CHCHD6: variants seen among roughly 807,000 people sequenced by gnomAD.
CHCHD6 encodes MICOS complex subunit MIC25.
A neutral mutation model predicts 32.3 loss-of-function variants in CHCHD6; 28 were observed. The ratio of observed to expected loss-of-function variants is 0.87; its 90% confidence interval spans 0.64 to 1.19. CHCHD6 has a LOEUF of 1.19. CHCHD6 is among the 50% of genes most tolerant of loss of function. The pLI is 0.00. For missense variants in CHCHD6, 333 were observed against 307.0 expected, an observed-to-expected ratio of 1.08 and a Z score of -0.63; for synonymous variants, 122 against 117.5, an observed-to-expected ratio of 1.04 and a Z score of -0.25.
intron 5 of CHCHD6, among the ~76,000 whole-genome samples, chr3:126,864,527 ACCT>A (rs1391174382): frequency 1.2e-4 from 14 of 113,870 alleles, no homozygotes; most frequent in African/African-American, 3.8e-4. Context: ...CACCTCCACC[ACCT>A]CCTCCTCCTT....
At chr3:126,784,263 A>G (rs1158319528) in intron 4 of CHCHD6, among the ~76,000 whole-genome samples, 1 of 152,188 alleles carries the variant, frequency 6.6e-6, no homozygotes, top group Non-Finnish European at 1.5e-5. Context: ...TTCTCTGACC[A>G]CAGTTCCACT....
chr3:126,834,358 T>G (rs1453522362), intron 4 of CHCHD6, among the ~76,000 whole-genome samples: 1 of 152,106 alleles, frequency 6.6e-6, no homozygotes, highest in Non-Finnish European at 1.5e-5. Context: ...TACAGTTCTG[T>G]TTGGATGGAG....
chr3:126,784,690 T>C (rs1938115504), intron 4 of CHCHD6, among the ~76,000 whole-genome samples: 2 of 152,158 alleles, frequency 1.3e-5, no homozygotes, highest in South Asian at 4.1e-4. Flanking sequence ...CAGATACCAC[T>C]GCCTCTCAGT....
At position 126,779,447 on chromosome 3, in the gene CHCHD6, GA is replaced by G. The variant is rs374002302; in HGVS notation, c.411+46227del. On this transcript the variant is annotated intron_variant, in intron 4 of 7. Coordinates refer to ENST00000290913, the MANE Select transcript of CHCHD6 (RefSeq NM_032343.3). ...AGCTACTCAGGAGGCTGAGGCAGGA[GA>G]ATCACTTGAACTTGGGAAGTGGAGG... is the stretch of plus-strand genomic sequence containing the variant. Among the ~76,000 whole-genome samples the G allele has an allele frequency of 2.6e-3, 369 of 144,260 alleles. 5 individuals carry two copies. The highest frequency in any genetic ancestry group is 0.018 in the East Asian group (85 of 4,788). The allele number at this position is 144,260 out of a possible 152,430, so 94.6% of individuals were successfully genotyped here. A position where few individuals can be genotyped will look rare whatever the true frequency, so the allele number is the denominator to read the frequency against.
intron 5 of CHCHD6, among the ~76,000 whole-genome samples, chr3:126,909,269 C>T (rs755106206): frequency 6.6e-6 from 1 of 152,226 alleles, no homozygotes; most frequent in Non-Finnish European, 1.5e-5. Context: ...ATGCACTGGT[C>T]CCACGCTGCT....
chr3:126,830,117 T>C (rs1033743582), intron 4 of CHCHD6, among the ~76,000 whole-genome samples: 5 of 152,112 alleles, frequency 3.3e-5, no homozygotes, highest in African/African-American at 7.2e-5. Context: ...ATAAATTAAA[T>C]AAATAAATAA....
At chr3:126,784,876 T>A (rs746111250) in intron 4 of CHCHD6, among the ~76,000 whole-genome samples, 26 of 152,164 alleles carry the variant, frequency 1.7e-4, no homozygotes, top group Non-Finnish European at 2.8e-4. Flanking sequence ...TGCTTGTGTT[T>A]TTCATTTTCC....
At chr3:126,939,695 C>G (rs1216962460) in intron 6 of CHCHD6, among the ~76,000 whole-genome samples, 1 of 152,214 alleles carries the variant, frequency 6.6e-6, no homozygotes, top group Non-Finnish European at 1.5e-5. Context: ...AATAAAATGA[C>G]TGATTCTTTA....
At chr3:126,746,697 C>A (rs1428468288) in intron 4 of CHCHD6, among the ~76,000 whole-genome samples, 1 of 152,214 alleles carries the variant, frequency 6.6e-6, no homozygotes, top group African/African-American at 2.4e-5. Flanking sequence ...TTTCAAGCAG[C>A]CGCGAGGCGG....
intron 6 of CHCHD6, among the ~76,000 whole-genome samples, chr3:126,932,208 C>T (rs2107599105): frequency 6.6e-6 from 1 of 152,294 alleles, no homozygotes; most frequent in African/African-American, 2.4e-5. Flanking sequence ...CTGATAACAC[C>T]ACGCTTTGCA....
At chr3:126,778,397 T>C (rs1395352534) in intron 4 of CHCHD6, among the ~76,000 whole-genome samples, 2 of 152,236 alleles carry the variant, frequency 1.3e-5, no homozygotes, top group Non-Finnish European at 2.9e-5. Context: ...ACTAGCAATG[T>C]GTGAGGGTTC....
At chr3:126,811,259 C>T (rs551334812) in intron 4 of CHCHD6, among the ~76,000 whole-genome samples, 47 of 152,220 alleles carry the variant, frequency 3.1e-4, no homozygotes, top group Non-Finnish European at 4.7e-4. Flanking sequence ...CCTTGTATGT[C>T]AGTAATAGGG....
Position 126,936,174 on chromosome 3 carries a change from A to G in CHCHD6, c.567-21242A>G, listed in dbSNP as rs559036287. 4.6e-5 allele frequency among the ~76,000 whole-genome samples: 7 copies of G among 152,340 alleles called. No individual in the cohort carries two copies. The South Asian group carries it at 1.5e-3, about 32-fold the overall frequency. ...CTCAGCCAGGTGAACCTAGGTTCACATCCTCCTCCTGCGACTCCTTAGCCT... is the reference window on the plus strand; with the variant it reads ...CTCAGCCAGGTGAACCTAGGTTCACGTCCTCCTCCTGCGACTCCTTAGCCT... On this transcript the variant is annotated intron_variant, in intron 6 of 7. Transcript: ENST00000290913.
At chr3:126,815,339 C>G (rs1026018589) in intron 4 of CHCHD6, among the ~76,000 whole-genome samples, 1 of 152,170 alleles carries the variant, frequency 6.6e-6, no homozygotes, top group African/African-American at 2.4e-5. Flanking sequence ...CAGCCATCCT[C>G]TGTATGCCAG....
intron 4 of CHCHD6, among the ~76,000 whole-genome samples, chr3:126,744,889 T>C (rs1936428726): frequency 6.6e-6 from 1 of 152,232 alleles, no homozygotes; most frequent in Non-Finnish European, 1.5e-5. Flanking sequence ...GGTTTCACCA[T>C]GTTGGCCAGG....
intron 6 of CHCHD6, among the ~76,000 whole-genome samples, chr3:126,951,582 G>T (rs996143176): frequency 3.3e-5 from 5 of 152,176 alleles, no homozygotes; most frequent in Non-Finnish European, 7.3e-5. Context: ...GAGGGAGGGA[G>T]GATCGCCTGG....
intron 6 of CHCHD6, among the ~76,000 whole-genome samples, chr3:126,919,915 G>T (rs2107593252): frequency 6.6e-6 from 1 of 151,748 alleles, no homozygotes; most frequent in East Asian, 1.9e-4. Context: ...AGGTCTTGAA[G>T]GTTGACATGT....
At chr3:126,776,587 G>A (rs1448899522) in intron 4 of CHCHD6, among the ~76,000 whole-genome samples, 3 of 152,126 alleles carry the variant, frequency 2.0e-5, no homozygotes, top group African/African-American at 7.2e-5. Context: ...GACCTTGAGG[G>A]CACTTAGTAG....
chr3:126,710,163 CAT>C (rs1934683980), intron 1 of CHCHD6, among the ~76,000 whole-genome samples: 1 of 152,236 alleles, frequency 6.6e-6, no homozygotes, highest in Non-Finnish European at 1.5e-5. Flanking sequence ...ATGTTTGCTT[CAT>C]GAGATCTTAT....
Sources: gnomAD v4.1 joint callset for allele counts (sites outside exome capture counted in the v4.1 genomes callset) on GRCh38, gnomAD v4.1.1 for gene constraint, MANE v1.5 for transcripts, NCBI Gene and HGNC (gene_info 2026-07-23, HGNC 2026-07-21) for gene names.